ATXN7L1: variants seen among roughly 807,000 people sequenced by gnomAD.
ATXN7L1 encodes ataxin 7 like 1.
A neutral mutation model predicts 70.8 loss-of-function variants in ATXN7L1; 15 were observed. The observed-to-expected ratio is 0.21, with a 90% CI of 0.14 to 0.33. ATXN7L1 has a LOEUF of 0.33. ATXN7L1 is among the 10% of genes least tolerant of loss of function. The probability of loss-of-function intolerance (pLI) is 1.00; values close to 1 mark genes in which losing one functional copy is unlikely to be tolerated. For missense variants in ATXN7L1, 975 were observed against 1,097.1 expected, an observed-to-expected ratio of 0.89 and a Z score of 1.57; for synonymous variants, 440 against 445.1, an observed-to-expected ratio of 0.99 and a Z score of 0.14.
intron 3 of ATXN7L1, among the ~76,000 whole-genome samples, chr7:105,681,016 C>G (rs944582253): frequency 2.0e-5 from 3 of 152,206 alleles, no homozygotes; most frequent in Non-Finnish European, 4.4e-5. Flanking sequence ...AGCGTAAGTT[C>G]TCAGCAAACA....
intron 2 of ATXN7L1, among the ~76,000 whole-genome samples, chr7:105,825,917 T>G (rs1315444550): frequency 6.6e-6 from 1 of 152,070 alleles, no homozygotes; most frequent in Non-Finnish European, 1.5e-5. Context: ...TCACTGAGAA[T>G]GGAGAAGCCA....
At chr7:105,816,988 G>A (rs1419326218) in intron 2 of ATXN7L1, among the ~76,000 whole-genome samples, 3 of 152,200 alleles carry the variant, frequency 2.0e-5, no homozygotes, top group African/African-American at 7.2e-5. Context: ...ATTTTATTTA[G>A]CGGAGAGCTT....
At chr7:105,840,439 C>T (rs1650207143) in intron 2 of ATXN7L1, among the ~76,000 whole-genome samples, 1 of 152,116 alleles carries the variant, frequency 6.6e-6, no homozygotes, top group South Asian at 2.1e-4. Flanking sequence ...ATGATGCCTG[C>T]CTGGGGCCAA....
At chr7:105,854,929 G>A (rs1815487701) in intron 2 of ATXN7L1, among the ~76,000 whole-genome samples, 1 of 151,218 alleles carries the variant, frequency 6.6e-6, no homozygotes, top group South Asian at 2.1e-4. Flanking sequence ...TTTGAGTATG[G>A]GTTGGGAACT....
chr7:105,726,406 G>T (rs184028869), intron 3 of ATXN7L1, among the ~76,000 whole-genome samples: 130 of 152,262 alleles, frequency 8.5e-4, no homozygotes, highest in Middle Eastern at 6.8e-3. Flanking sequence ...CAGCACAGAA[G>T]TTACCTTACA....
chr7:105,651,762 G>A (rs755030387), intron 4 of ATXN7L1, among the ~76,000 whole-genome samples: 6 of 152,172 alleles, frequency 3.9e-5, no homozygotes, highest in Non-Finnish European at 5.9e-5. Flanking sequence ...AGGACATTCT[G>A]GAAGAGGAGT....
chr7:105,679,066 C>G (rs1805172413), intron 3 of ATXN7L1: 1 of 985,716 alleles, frequency 1.0e-6, no homozygotes, highest in Admixed American at 6.1e-5. Flanking sequence ...CCCGGGGAGG[C>G]TGCCTTGCCG....
intron 2 of ATXN7L1, among the ~76,000 whole-genome samples, chr7:105,872,086 G>A (rs1385293235): frequency 1.3e-5 from 2 of 151,490 alleles, no homozygotes; most frequent in African/African-American, 2.4e-5. Flanking sequence ...TCCGCCTCCC[G>A]GGTTCACGCC....
intron 3 of ATXN7L1, among the ~76,000 whole-genome samples, chr7:105,740,784 T>TTTTTTTTTTTTTGTTTTTTTTG (rs556048408): frequency 1.3e-5 from 1 of 77,926 alleles, no homozygotes; most frequent in Non-Finnish European, 2.3e-5. Flanking sequence ...TTTTTTTTTT[T>TTTTTTTTTTTTTGTTTTTTTTG]AATGGAGTCT....
At chr7:105,639,987 G>A (rs1010674527) in intron 5 of ATXN7L1, among the ~76,000 whole-genome samples, 1 of 152,188 alleles carries the variant, frequency 6.6e-6, no homozygotes, top group Non-Finnish European at 1.5e-5. Flanking sequence ...GAGACCCAAC[G>A]ACCCCTTTCC....
rs1805245221 is a variant in ATXN7L1, at chr7:105,791,560, T to C, written c.251-2852A>G. Among the ~76,000 whole-genome samples, 2 of 152,336 alleles carry C rather than the reference T, an allele frequency of 1.3e-5. 1 individual carries two copies. The highest frequency in any genetic ancestry group is 4.1e-4 in the South Asian group (2 of 4,828). On this transcript the variant is annotated intron_variant, in intron 2 of 11. Coordinates refer to ENST00000419735, the MANE Select transcript of ATXN7L1 (RefSeq NM_020725.2). ...ATTTGCTTTTAATTTACAGGTTATT[T>C]TTGTAACATATATTCATTTTTTAAA...
chr7:105,649,697 G>T, intron 4 of ATXN7L1: 1 of 568,806 alleles, frequency 1.8e-6, no homozygotes, highest in Non-Finnish European at 2.2e-6. Context: ...CAACAGAAAT[G>T]CCTTAAGAGA....
chr7:105,864,456 CAAAAAAAAAA>C (rs34739253), intron 2 of ATXN7L1, among the ~76,000 whole-genome samples: 90 of 41,078 alleles, frequency 2.2e-3, no homozygotes, highest in African/African-American at 9.4e-3. Context: ...GGCCCTGTCT[CAAAAAAAAAA>C]AAAAAAAAAA....
intron 3 of ATXN7L1, among the ~76,000 whole-genome samples, chr7:105,676,176 A>G (rs1162070021): frequency 6.6e-6 from 1 of 152,144 alleles, no homozygotes; most frequent in Non-Finnish European, 1.5e-5. Context: ...TCCTCTTCAT[A>G]ACATGAGGCC....
chr7:105,693,534 C>CCCATCCATCCAT (rs36181010), intron 3 of ATXN7L1, among the ~76,000 whole-genome samples: 8 of 139,572 alleles, frequency 5.7e-5, no homozygotes, highest in Non-Finnish European at 7.7e-5. Context: ...AATCTAATGC[C>CCCATCCATCCAT]CCATCCATCC....
At chr7:105,625,290 G>T (rs995696373) in intron 7 of ATXN7L1, among the ~76,000 whole-genome samples, 1 of 152,030 alleles carries the variant, frequency 6.6e-6, no homozygotes, top group Non-Finnish European at 1.5e-5. Context: ...TCACTCTGTC[G>T]CCCAGGCTGG....
chr7:105,733,286 T>C (rs1453591368), intron 3 of ATXN7L1, among the ~76,000 whole-genome samples: 1 of 152,210 alleles, frequency 6.6e-6, no homozygotes, highest in Non-Finnish European at 1.5e-5. Flanking sequence ...TCATAAATAA[T>C]TGTATCCACA....
chr7:105,785,084 C>G (rs757409237), intron 3 of ATXN7L1, among the ~76,000 whole-genome samples: 4 of 152,248 alleles, frequency 2.6e-5, no homozygotes, highest in African/African-American at 7.2e-5. Context: ...GGGCAAAGCA[C>G]TGACCTCCTA....
chr7:105,798,078 G>A (rs1183535218), intron 2 of ATXN7L1, among the ~76,000 whole-genome samples: 1 of 152,182 alleles, frequency 6.6e-6, no homozygotes, highest in South Asian at 2.1e-4. Context: ...CTAAGATTAC[G>A]AGGTCAATAA....
Sources: allele counts gnomAD v4.1 joint callset (sites outside exome capture counted in the v4.1 genomes callset), GRCh38; gene constraint gnomAD v4.1.1; transcripts MANE v1.5; gene names NCBI Gene and HGNC (gene_info 2026-07-23, HGNC 2026-07-21).